The following ASTN2 variants were observed in gnomAD, a reference collection of about 807,000 sequenced individuals.
ASTN2 encodes astrotactin-2.
In ASTN2, 54 loss-of-function variants were observed where a neutral mutation model predicts 139.8. That is an observed-to-expected ratio of 0.39 (90% CI 0.31 to 0.48). The LOEUF is 0.48. ASTN2 is among the 20% of genes least tolerant of loss of function. The pLI, the probability that ASTN2 is intolerant of heterozygous loss-of-function variation, is 0.95. For synonymous variants in ASTN2, 756 were observed against 719.5 expected (o/e 1.05, Z -0.81); for missense variants, 1,565 against 1,725.1 (o/e 0.91, Z 1.64).
chr9:116,663,525 G>A (rs925326998), intron 16 of ASTN2, among the ~76,000 whole-genome samples: 2 of 152,082 alleles, frequency 1.3e-5, no homozygotes, highest in African/African-American at 4.8e-5. Flanking sequence ...CTTTAAACAT[G>A]TTACCAGGCA....
intron 10 of ASTN2, among the ~76,000 whole-genome samples, chr9:116,865,616 C>A (rs899747883): frequency 1.3e-5 from 2 of 151,856 alleles, no homozygotes; most frequent in Non-Finnish European, 2.9e-5. Context: ...CCCACAGTAG[C>A]CAGTCATTGG....
At chr9:116,428,472 C>T (rs940397963) in intron 22 of ASTN2, among the ~76,000 whole-genome samples, 7 of 151,382 alleles carry the variant, frequency 4.6e-5, no homozygotes, top group African/African-American at 1.7e-4. Context: ...TACAGTGAAC[C>T]AAGATCGCGC....
chr9:116,594,157 T>C (rs1476124022), intron 19 of ASTN2, among the ~76,000 whole-genome samples: 2 of 152,196 alleles, frequency 1.3e-5, no homozygotes, highest in African/African-American at 4.8e-5. Context: ...TAATCTAGCT[T>C]TGCATCTTTA....
chr9:116,565,371 CTCTCTCTCTCTCTCTCCA>C (rs1853138788), intron 19 of ASTN2, among the ~76,000 whole-genome samples: 1 of 28,334 alleles, frequency 3.5e-5, no homozygotes, highest in East Asian at 1.1e-3. Context: ...CTCTCTCTCT[CTCTCTCTCTCTCTCTCCA>C]TATATATATA....
intron 1 of ASTN2, among the ~76,000 whole-genome samples, chr9:117,343,710 A>G (rs1375367000): frequency 6.6e-6 from 1 of 152,144 alleles, no homozygotes; most frequent in Non-Finnish European, 1.5e-5. Context: ...ACCCACATAT[A>G]TAGTTCCAGG....
intron 3 of ASTN2, among the ~76,000 whole-genome samples, chr9:117,213,176 C>A (rs2133018862): frequency 6.6e-6 from 1 of 152,112 alleles, no homozygotes; most frequent in South Asian, 2.1e-4. Flanking sequence ...CAAAATAAGA[C>A]AGGAATGGAA....
intron 2 of ASTN2, among the ~76,000 whole-genome samples, chr9:117,251,849 A>G (rs1375422572): frequency 1.3e-5 from 2 of 152,198 alleles, no homozygotes; most frequent in Non-Finnish European, 2.9e-5. Context: ...AGAGGGATGG[A>G]GAAGAGAGTC....
At chr9:117,200,910 T>C (rs1213480609) in intron 3 of ASTN2, among the ~76,000 whole-genome samples, 1 of 152,058 alleles carries the variant, frequency 6.6e-6, no homozygotes, top group African/African-American at 2.4e-5. Flanking sequence ...TCCTTTTCAA[T>C]TGTTTGGAAT....
At chr9:116,815,403 A>C (rs1831283054) in intron 12 of ASTN2, among the ~76,000 whole-genome samples, 1 of 152,142 alleles carries the variant, frequency 6.6e-6, no homozygotes, top group Admixed American at 6.5e-5. Flanking sequence ...GAAGGTTGGG[A>C]TATCTCAAGC....
At position 116,725,814 on chromosome 9, in the gene ASTN2, G is replaced by C; in HGVS notation, c.2763C>G (p.Pro921=). 6.2e-7 allele frequency: 1 copy of C among 1,613,928 alleles called. No individual in the cohort carries two copies. Among genetic ancestry groups the C allele is most frequent in the Non-Finnish European group, 8.5e-7 (1 of 1,180,018 alleles). ...GSELTCIIHF[P]SKKVQQQLWL... ...ACAGCTGCTGCTGGACCTTCTTGCT[G>C]GGAAAGTGGATGATGCAGGTGAGCT... Residue 921 remains proline, a synonymous_variant, in exon 16 of 23, where the codon CCC becomes CCG. Coordinates refer to ENST00000313400, the MANE Select transcript of ASTN2 (RefSeq NM_001365068.1).
chr9:116,506,940 T>C (rs1850138270), intron 19 of ASTN2, among the ~76,000 whole-genome samples: 1 of 152,180 alleles, frequency 6.6e-6, no homozygotes, highest in Non-Finnish European at 1.5e-5. Flanking sequence ...TTCACTCATC[T>C]ATTTAAAGAA....
chr9:117,395,135 C>T (rs1302644937), intron 1 of ASTN2, among the ~76,000 whole-genome samples: 1 of 152,144 alleles, frequency 6.6e-6, no homozygotes, highest in Non-Finnish European at 1.5e-5. Flanking sequence ...AAGTCATTTC[C>T]TGAGCCAATG....
At chr9:116,733,637 T>C (rs1828846478) in intron 13 of ASTN2, 114 bp from the exon 14 acceptor site, 1 of 1,352,742 alleles carries the variant, frequency 7.4e-7, no homozygotes, top group Admixed American at 2.0e-5. Flanking sequence ...GGGGTGACTT[T>C]GCTGTAATGC....
intron 4 of ASTN2, among the ~76,000 whole-genome samples, chr9:117,129,674 T>C (rs1302304015): frequency 6.6e-6 from 1 of 152,166 alleles, no homozygotes. Flanking sequence ...TTGGACTATG[T>C]ATTAATCAAC....
At chr9:117,087,967 C>G (rs958023742) in intron 5 of ASTN2, among the ~76,000 whole-genome samples, 2 of 152,212 alleles carry the variant, frequency 1.3e-5, no homozygotes, top group Non-Finnish European at 2.9e-5. Context: ...GCCTATCTAT[C>G]TTTGGCCTAG....
intron 17 of ASTN2, among the ~76,000 whole-genome samples, chr9:116,626,150 T>G (rs1302082026): frequency 7.1e-6 from 1 of 140,420 alleles, no homozygotes; most frequent in Non-Finnish European, 1.5e-5. Context: ...TGGTTAGTTT[T>G]TGTGTTTTTT....
intron 20 of ASTN2, 112 bp from the exon 21 acceptor site, chr9:116,442,665 T>TA: frequency 1.2e-6 from 1 of 850,508 alleles, no homozygotes. Flanking sequence ...AAAATGATTT[T>TA]AAAAAAAGAA....
At chr9:117,294,092 T>A (rs917117429) in intron 1 of ASTN2, among the ~76,000 whole-genome samples, 1 of 152,234 alleles carries the variant, frequency 6.6e-6, no homozygotes, top group African/African-American at 2.4e-5. Flanking sequence ...CCCCTTTCCA[T>A]GTTCAGATGA....
At chr9:117,040,980 A>G (rs1336197650) in intron 5 of ASTN2, among the ~76,000 whole-genome samples, 1 of 152,192 alleles carries the variant, frequency 6.6e-6, no homozygotes, top group Non-Finnish European at 1.5e-5. Context: ...TAGGGGGAAA[A>G]GTCAAGCTTA....
Sources: gnomAD v4.1 joint callset for allele counts (sites outside exome capture counted in the v4.1 genomes callset) on GRCh38, gnomAD v4.1.1 for gene constraint, MANE v1.5 for transcripts, NCBI Gene and HGNC (gene_info 2026-07-23, HGNC 2026-07-21) for gene names.